Variants in SCN7A observed in about 807,000 individuals in gnomAD.
SCN7A encodes sodium channel protein type 7 subunit alpha.
SCN7A carries 138 observed loss-of-function variants against 155.2 expected under a neutral mutation model. That is an observed-to-expected ratio of 0.89 (90% CI 0.77 to 1.02). The LOEUF (loss-of-function observed/expected upper bound fraction) is 1.02, where lower values mean the gene tolerates loss of function less well. Ranked by LOEUF, SCN7A falls within the 50% of genes least tolerant of loss-of-function variation. The pLI, the probability that SCN7A is intolerant of heterozygous loss-of-function variation, is 0.00. For missense variants in SCN7A, 2,058 were observed against 1,986.6 expected (o/e 1.04, Z -0.68); for synonymous variants, 693 against 649.0 (o/e 1.07, Z -1.03).
At chr2:166,448,116 A>AC (rs1434082844) in intron 11 of SCN7A, among the ~76,000 whole-genome samples, 5 of 152,010 alleles carry the variant, frequency 3.3e-5, no homozygotes, top group Non-Finnish European at 7.4e-5. Context: ...ACCCCCTCAT[A>AC]CATACCCTTT....
intron 21 of SCN7A, among the ~76,000 whole-genome samples, chr2:166,415,949 T>C (rs1701366366): frequency 6.6e-6 from 1 of 152,138 alleles, no homozygotes; most frequent in African/African-American, 2.4e-5. Context: ...TAAATGGACG[T>C]GCAAGTAGGG....
rs1267404499 is a variant in SCN7A at position 166,470,607 on chromosome 2, T to C, written c.664+8A>G. On this transcript the variant is annotated splice_region_variant and intron_variant, in intron 7 of 25. Coordinates refer to ENST00000643258, the MANE Select transcript of SCN7A (RefSeq NM_002976.4). ...AATGAAGAAAAGACATTCAATGCAATTTCTTACCTTGATTTAAAGGAATAA... is the reference window on the plus strand; with the variant it reads ...AATGAAGAAAAGACATTCAATGCAACTTCTTACCTTGATTTAAAGGAATAA... 4.4e-6 allele frequency: 7 copies of C among 1,592,992 alleles called. No individual in the cohort carries two copies. In the South Asian group the frequency reaches 7.9e-5, roughly 18 times the overall value.
intron 12 of SCN7A, among the ~76,000 whole-genome samples, chr2:166,446,735 C>T (rs1702071728): frequency 1.3e-5 from 2 of 152,110 alleles, no homozygotes; most frequent in Admixed American, 1.3e-4. Flanking sequence ...ATGGATGAAG[C>T]TGGAAACCAT....
Position 166,416,979 on chromosome 2 carries a change from C to T in SCN7A, c.3142G>A (p.Val1048Met). The T allele has an allele frequency of 1.3e-6, 2 of 1,592,698 alleles. No homozygotes were observed. Among genetic ancestry groups the T allele is most frequent in the Admixed American group, 3.5e-5 (2 of 56,864 alleles). ...LSQFERMKVVVRALIKTTLPT... is the reference protein window; with the variant it reads ...LSQFERMKVVMRALIKTTLPT... ...AAGGTTGTTTTGATCAAAGCTCTCA[C>T]AACCACCTGGTATATATAAAAAATG... Residue 1048 changes from valine to methionine, a missense_variant, in exon 21 of 26, where the codon GTG (valine) becomes ATG (methionine). Coordinates refer to ENST00000643258, the MANE Select transcript of SCN7A (RefSeq NM_002976.4).
At chr2:166,430,303 T>C (rs1701707554) in intron 16 of SCN7A, among the ~76,000 whole-genome samples, 1 of 151,958 alleles carries the variant, frequency 6.6e-6, no homozygotes, top group African/African-American at 2.4e-5. Context: ...AGTAAATCAT[T>C]ATAGTGCTCA....
chr2:166,439,452 A>G lies in SCN7A; in HGVS notation c.2157+1944T>C, dbSNP rs76401148. ...TATGAGGCTTTAGACTGCAGCAGCC[A>G]TCTTGATAAAACAGAAGATACTAGC... On this transcript the variant is annotated intron_variant, in intron 15 of 25. Transcript: ENST00000643258. 6.1e-3 allele frequency among the ~76,000 whole-genome samples: 928 copies of G among 152,274 alleles called. 4 individuals are homozygous for G. Among genetic ancestry groups the G allele is most frequent in the African/African-American group, 0.021 (890 of 41,554 alleles).
chr2:166,408,646 GCTT>G (rs1701128579), intron 25 of SCN7A, among the ~76,000 whole-genome samples: 1 of 151,870 alleles, frequency 6.6e-6, no homozygotes, highest in African/African-American at 2.4e-5. Context: ...CTTTTCTGAA[GCTT>G]CTTACGGTTT....
intron 21 of SCN7A, 39 bp from the exon 22 acceptor site, chr2:166,413,160 G>T: frequency 7.9e-7 from 1 of 1,273,168 alleles, no homozygotes. Flanking sequence ...ATGCTTCCTG[G>T]CAAATAAAAA....
At position 166,405,792 on chromosome 2, in the gene SCN7A, A is replaced by G; in HGVS notation, c.4837T>C (p.Cys1613Arg). Residue 1613 changes from cysteine to arginine, a missense_variant, in exon 26 of 26, where the codon TGT becomes CGT. Physicochemically the swap from Cys to Arg is radical, Grantham distance 180 (BLOSUM62 -3). Transcript: ENST00000643258. Reference protein sequence around the residue: ...FLLANPFKITCEPITTTLKRK... With the variant: ...FLLANPFKITREPITTTLKRK... ...TTCAAAGTAGTCGTAATTGGCTCAC[A>G]TGTGATCTTAAAAGGGTTGGCTAAC... 6.2e-7 allele frequency: 1 copy of G among 1,613,088 alleles called. No individual in the cohort carries two copies. The highest frequency in any genetic ancestry group is 8.5e-7 in the Non-Finnish European group (1 of 1,179,380).
At chr2:166,493,570 A>C (rs554630182) in intron 1 of SCN7A, among the ~76,000 whole-genome samples, 1 of 152,360 alleles carries the variant, frequency 6.6e-6, no homozygotes. Flanking sequence ...TGTTATTTAG[A>C]ATAAGAGATA....
intron 15 of SCN7A, among the ~76,000 whole-genome samples, chr2:166,437,740 G>A (rs986986853): frequency 2.6e-5 from 4 of 152,172 alleles, no homozygotes; most frequent in African/African-American, 7.2e-5. Context: ...AGAGTAAAAG[G>A]AGATCATTTT....
chr2:166,492,840 T>C (rs1193756323), intron 1 of SCN7A, among the ~76,000 whole-genome samples: 1 of 152,222 alleles, frequency 6.6e-6, no homozygotes, highest in African/African-American at 2.4e-5. Flanking sequence ...TTAGTTTTTG[T>C]CAGGACTTTT....
rs777561811 is a variant in SCN7A, at chr2:166,444,830, A to G, written c.1558T>C (p.Cys520Arg). The change falls in exon 13 of 26, where the codon TGT (cysteine) becomes CGT (arginine). Residue 520 changes from cysteine to arginine, a missense_variant. Transcript: ENST00000643258. The stretch of plus-strand genomic sequence containing the variant: ...GGATAATGCTCCAAGGTCAGAAAAC[A>G]TACGTTTAAAATTATGCATATGATA... ...FLIICIILNV[C>R]FLTLEHYPMS... The G allele has an allele frequency of 1.2e-5, 19 of 1,610,960 alleles. No individual in the cohort carries two copies. Among genetic ancestry groups the G allele is most frequent in the East Asian group, 8.9e-5 (4 of 44,794 alleles).
At chr2:166,416,658 A>C in intron 21 of SCN7A, 49 bp downstream of exon 21, 1 of 1,466,368 alleles carries the variant, frequency 6.8e-7, no homozygotes, top group Non-Finnish European at 9.2e-7. Flanking sequence ...TTCAACCTAC[A>C]ATATGGATGA....
chr2:166,434,838 G>A (rs938101052), intron 15 of SCN7A, among the ~76,000 whole-genome samples: 1 of 152,068 alleles, frequency 6.6e-6, no homozygotes, highest in African/African-American at 2.4e-5. Flanking sequence ...CAAAAACCAT[G>A]TTTTCTCTTA....
Position 166,438,972 on chromosome 2 carries a change from A to AATAT in SCN7A, c.2157+2420_2157+2423dup, listed in dbSNP as rs3058347. Among the ~76,000 whole-genome samples the AATAT allele has an allele frequency of 1.3e-3, 188 of 140,974 alleles. 1 individual carries two copies. The highest frequency in any genetic ancestry group is 3.1e-3 in the South Asian group (14 of 4,490). 92.5% of individuals were successfully genotyped at this position (140,974 alleles called of 152,430 possible). ...TCAAAGAAGCAGGAATGTTTAGGCA[A>AATAT]ATATATATATATATATTTATATGTT... On this transcript the variant is annotated intron_variant, in intron 15 of 25. Coordinates refer to ENST00000643258, the MANE Select transcript of SCN7A (RefSeq NM_002976.4).
intron 23 of SCN7A, 106 bp downstream of exon 23, chr2:166,412,424 C>A: frequency 8.5e-7 from 1 of 1,172,304 alleles, no homozygotes; most frequent in Non-Finnish European, 1.1e-6. Context: ...ATAAAAATGA[C>A]ATTAAGCTGA....
intron 11 of SCN7A, among the ~76,000 whole-genome samples, chr2:166,451,280 G>A (rs747081330): frequency 9.2e-5 from 14 of 152,142 alleles, no homozygotes; most frequent in Non-Finnish European, 1.9e-4. Context: ...GGTCTGTCTA[G>A]TAATATATTT....
intron 2 of SCN7A, among the ~76,000 whole-genome samples, chr2:166,485,660 G>A (rs1703030718): frequency 6.6e-6 from 1 of 152,106 alleles, no homozygotes; most frequent in African/African-American, 2.4e-5. Context: ...TGCCTGAAAT[G>A]TTCCTGCTTT....
Sources: allele counts gnomAD v4.1 joint callset (sites outside exome capture counted in the v4.1 genomes callset), GRCh38; gene constraint gnomAD v4.1.1; transcripts MANE v1.5; gene names NCBI Gene and HGNC (gene_info 2026-07-23, HGNC 2026-07-21).